MEGF6: variants seen among roughly 807,000 people sequenced by gnomAD.
MEGF6 encodes the protein multiple EGF like domains 6.
A neutral mutation model predicts 207.1 loss-of-function variants in MEGF6; 184 were observed. The ratio of observed to expected loss-of-function variants is 0.89; its 90% confidence interval spans 0.79 to 1.00. The LOEUF is 1.00. Ranked by LOEUF, MEGF6 falls within the 50% of genes least tolerant of loss-of-function variation. The pLI, the probability that MEGF6 is intolerant of heterozygous loss-of-function variation, is 0.00. For synonymous variants in MEGF6, 1,038 were observed against 910.0 expected, an observed-to-expected ratio of 1.14 and a Z score of -2.53; for missense variants, 2,282 against 2,202.9, an observed-to-expected ratio of 1.04 and a Z score of -0.72.
At chr1:3,507,706 G>C (rs1641166496) in intron 14 of MEGF6, 89 bp downstream of exon 14, 2 of 1,550,168 alleles carry the variant, frequency 1.3e-6, no homozygotes, top group Non-Finnish European at 1.8e-6. Flanking sequence ...TGGGAGGAAG[G>C]AGACAAGGAG....
chr1:3,582,472 A>G (rs996053757), intron 3 of MEGF6, among the ~76,000 whole-genome samples: 5 of 152,068 alleles, frequency 3.3e-5, no homozygotes, highest in African/African-American at 1.2e-4. Flanking sequence ...CCATGACACC[A>G]AGGCCACCGT....
Position 3,515,431 on chromosome 1 carries a change from T to C in MEGF6, c.701A>G (p.Gln234Arg). ...RHRCQCRPGF[Q>R]LQEDGRHCVR... is the part of the protein sequence containing the mutation. Reference sequence around the variant, plus strand: ...ACAATGCCTGCCGTCCTCCTGGAGCTGGAACCCGGGCCGGCACTGGCAGCG... The same window carrying C: ...ACAATGCCTGCCGTCCTCCTGGAGCCGGAACCCGGGCCGGCACTGGCAGCG... The change falls in exon 6 of 37, where the codon CAG (glutamine) becomes CGG (arginine). Residue 234 changes from glutamine (Q) to arginine (R), a missense_variant. By Grantham distance (43) the Gln-to-Arg change is conservative. Coordinates refer to ENST00000356575, the MANE Select transcript of MEGF6 (RefSeq NM_001409.4). 2.5e-6 allele frequency: 4 copies of C among 1,612,564 alleles called. No individual in the cohort carries two copies. Among genetic ancestry groups the C allele is most frequent in the Non-Finnish European group, 3.4e-6 (4 of 1,179,864 alleles).
At chr1:3,539,796 C>T (rs1361431873) in intron 4 of MEGF6, among the ~76,000 whole-genome samples, 1 of 152,198 alleles carries the variant, frequency 6.6e-6, no homozygotes, top group African/African-American at 2.4e-5. Context: ...CCTTCCCAGG[C>T]CCAGGCTTAT....
intron 3 of MEGF6, among the ~76,000 whole-genome samples, chr1:3,582,599 T>C (rs1009647300): frequency 6.6e-6 from 1 of 152,112 alleles, no homozygotes; most frequent in Non-Finnish European, 1.5e-5. Flanking sequence ...AGATCTTGGT[T>C]CCCCGGTTGC....
intron 4 of MEGF6, among the ~76,000 whole-genome samples, chr1:3,535,964 C>T (rs946486149): frequency 3.3e-5 from 5 of 152,212 alleles, no homozygotes; most frequent in Admixed American, 1.3e-4. Flanking sequence ...GGCAGACTGT[C>T]GGGCAGGGCT....
At chr1:3,572,104 T>A (rs1643516755) in intron 4 of MEGF6, among the ~76,000 whole-genome samples, 1 of 146,016 alleles carries the variant, frequency 6.8e-6, no homozygotes, top group East Asian at 2.2e-4. Context: ...CCGGGTGTGC[T>A]GGGTCCTTCC....
rs1030778245 is a variant in MEGF6, at chr1:3,493,590, TTG to T, written c.4387+179_4387+180del. 30 of 806,448 alleles carry T rather than the reference TTG, an allele frequency of 3.7e-5. 3 individuals are homozygous for T. Among genetic ancestry groups the T allele is most frequent in the Admixed American group, 3.3e-4 (11 of 32,924 alleles). 50.0% of individuals were successfully genotyped at this position (806,448 alleles called of 1,614,324 possible). On this transcript the variant is annotated intron_variant, in intron 34 of 36. Coordinates refer to ENST00000356575, the MANE Select transcript of MEGF6 (RefSeq NM_001409.4). ...TAAGGCTCCAGCAGGAGGGCCATGC[TTG>T]GTACCGCATGTCCCAGCAGCTGACT...
intron 4 of MEGF6, among the ~76,000 whole-genome samples, chr1:3,535,880 A>ACCCACAGG (rs1487390743): frequency 2.0e-5 from 3 of 152,092 alleles, no homozygotes; most frequent in African/African-American, 7.2e-5. Context: ...TCGGGCAGGC[A>ACCCACAGG]CCCACAGGCG....
At chr1:3,544,928 T>C (rs576611787) in intron 4 of MEGF6, among the ~76,000 whole-genome samples, 56 of 152,254 alleles carry the variant, frequency 3.7e-4, no homozygotes, top group South Asian at 2.1e-4. Flanking sequence ...CTCGGGAGGA[T>C]GACTCGGGTC....
chr1:3,531,446 C>T, intron 4 of MEGF6: 1 of 1,109,084 alleles, frequency 9.0e-7, no homozygotes, highest in Non-Finnish European at 1.1e-6. Context: ...CCTTTAAGTT[C>T]TCAGCTTTCC....
chr1:3,513,477 T>A (rs1641425822), intron 7 of MEGF6, among the ~76,000 whole-genome samples: 1 of 151,694 alleles, frequency 6.6e-6, no homozygotes, highest in Non-Finnish European at 1.5e-5. Context: ...AGGATCTCGC[T>A]ATGTTGCCCA....
At chr1:3,503,067 AGCCAGGATGT>A (rs1200923446) in intron 17 of MEGF6, among the ~76,000 whole-genome samples, 2 of 152,172 alleles carry the variant, frequency 1.3e-5, no homozygotes, top group Non-Finnish European at 1.5e-5. Flanking sequence ...CGGGGCTGAG[AGCCAGGATGT>A]GCCCTGCCTG....
At chr1:3,515,330 C>A in intron 6 of MEGF6, 72 bp downstream of exon 6, 1 of 1,525,164 alleles carries the variant, frequency 6.6e-7, no homozygotes, top group Middle Eastern at 2.1e-4. Flanking sequence ...CCACTTCCAC[C>A]CAACAGCCCA....
chr1:3,490,762 C>T, intron 36 of MEGF6, 150 bp downstream of exon 36: 1 of 1,250,664 alleles, frequency 8.0e-7, no homozygotes, highest in South Asian at 1.3e-5. Flanking sequence ...CTGGCCCCAG[C>T]CTTGGTCTCT....
intron 4 of MEGF6, among the ~76,000 whole-genome samples, chr1:3,548,980 C>T (rs547959681): frequency 8.5e-4 from 129 of 152,328 alleles, no homozygotes; most frequent in African/African-American, 3.0e-3. Context: ...ACTGAGGCTG[C>T]AATCGCCCCT....
intron 4 of MEGF6, among the ~76,000 whole-genome samples, chr1:3,572,500 CGGGTGTG>C (rs1643532504): frequency 7.7e-6 from 1 of 129,276 alleles, no homozygotes; most frequent in Non-Finnish European, 1.6e-5. Flanking sequence ...TGGGTCCTCC[CGGGTGTG>C]CTGAGTCCTT....
At chr1:3,561,139 C>T (rs928350606) in intron 4 of MEGF6, among the ~76,000 whole-genome samples, 14 of 152,116 alleles carry the variant, frequency 9.2e-5, no homozygotes, top group African/African-American at 2.7e-4. Flanking sequence ...CACGGCAGGT[C>T]GGGTGGAGGC....
rs149482500 is a variant in MEGF6 at position 3,575,070 on chromosome 1, C to T, written c.481+4755G>A. On this transcript the variant is annotated intron_variant, in intron 4 of 36. Transcript: ENST00000356575. ...AGATCTGTAGAGACTTTTGTGACTT[C>T]GTGTACTACAAAAGACAAATCTATT... 4.7e-4 allele frequency among the ~76,000 whole-genome samples: 71 copies of T among 152,342 alleles called. 1 individual carries two copies. The East Asian group carries it at 0.01, about 22-fold the overall frequency.
chr1:3,617,427 T>G, the MEGF6 span, among the ~76,000 whole-genome samples: 1 of 151,950 alleles, frequency 6.6e-6, no homozygotes, highest in Non-Finnish European at 1.5e-5. Flanking sequence ...GGGAGCTGAA[T>G]GATGAGAACA....
Sources: gnomAD v4.1 joint callset for allele counts (sites outside exome capture counted in the v4.1 genomes callset) on GRCh38, gnomAD v4.1.1 for gene constraint, MANE v1.5 for transcripts, NCBI Gene and HGNC (gene_info 2026-07-23, HGNC 2026-07-21) for gene names.